The following DGKI variants were observed in gnomAD, a reference collection of about 807,000 sequenced individuals.
DGKI encodes DAG kinase iota.
DGKI carries 55 observed loss-of-function variants against 147.5 expected under a neutral mutation model. The observed-to-expected ratio is 0.37, with a 90% CI of 0.30 to 0.47. The LOEUF (loss-of-function observed/expected upper bound fraction) is 0.47, where lower values mean the gene tolerates loss of function less well. Among genes scored for constraint, DGKI ranks in the 20% least tolerant of loss-of-function variants. The probability of loss-of-function intolerance (pLI) is 1.00; values close to 1 mark genes in which losing one functional copy is unlikely to be tolerated. For missense variants in DGKI, 1,007 were observed against 1,323.8 expected (o/e 0.76, Z 3.71); for synonymous variants, 469 against 477.1 (o/e 0.98, Z 0.22).
chr7:137,675,693 A>T (rs1823011836), intron 3 of DGKI, among the ~76,000 whole-genome samples: 1 of 151,716 alleles, frequency 6.6e-6, no homozygotes, highest in South Asian at 2.1e-4. Context: ...CAAAAAAAAA[A>T]AAAAAAAAAA....
At position 137,781,145 on chromosome 7, in the gene DGKI, G is replaced by T. The variant is rs535668906; in HGVS notation, c.401+65317C>A. On this transcript the variant is annotated intron_variant, in intron 1 of 32. Coordinates refer to ENST00000614521, the MANE Select transcript of DGKI (RefSeq NM_001321708.2). ...CAAAGGGTATTTGAGTGTCTTCCAT[G>T]AACAAGGTGTGGGCTGTGCATCTGA... 9.4e-4 allele frequency among the ~76,000 whole-genome samples: 143 copies of T among 152,254 alleles called. 4 individuals carry two copies. The highest frequency in any genetic ancestry group is 2.5e-3 in the South Asian group (12 of 4,820).
chr7:137,436,970 G>A lies in DGKI; in HGVS notation c.2761+7107C>T, dbSNP rs180845757. ...TCTGTTGAATTTAACAAATTAGAGC[G>A]AAGGAAAAGATCCTTATAAGAAATA... On this transcript the variant is annotated intron_variant, in intron 28 of 32. Transcript: ENST00000614521. Among the ~76,000 whole-genome samples the A allele has an allele frequency of 4.9e-4, 74 of 152,240 alleles. 1 individual carries two copies. Among genetic ancestry groups the A allele is most frequent in the African/African-American group, 1.6e-3 (66 of 41,540 alleles).
chr7:137,660,990 T>G (rs1822406355), intron 3 of DGKI, among the ~76,000 whole-genome samples: 1 of 152,046 alleles, frequency 6.6e-6, no homozygotes, highest in South Asian at 2.1e-4. Context: ...TAAGTAAAAT[T>G]AAATATCTGT....
chr7:137,557,144 G>C (rs1316862162), intron 19 of DGKI, among the ~76,000 whole-genome samples: 1 of 152,104 alleles, frequency 6.6e-6, no homozygotes, highest in African/African-American at 2.4e-5. Flanking sequence ...CAATTCACGT[G>C]AGAATAAAAT....
chr7:137,689,829 T>C (rs56076414), intron 2 of DGKI, 65 bp downstream of exon 2: 43,300 of 1,141,770 alleles, frequency 0.038, 4,632 homozygotes, highest in African/African-American at 0.37. Context: ...ACTAGAGGAA[T>C]CCTGAGAATG....
At chr7:137,497,527 C>G (rs1204777994) in intron 21 of DGKI, among the ~76,000 whole-genome samples, 1 of 151,946 alleles carries the variant, frequency 6.6e-6, no homozygotes, top group East Asian at 1.9e-4. Flanking sequence ...ATAGCAAAGA[C>G]ATGGAATCAA....
chr7:137,410,019 G>C lies in DGKI; in HGVS notation c.2800-2024C>G, dbSNP rs942999334. On this transcript the variant is annotated intron_variant, in intron 29 of 32. Transcript: ENST00000614521. The stretch of plus-strand genomic sequence containing the variant: ...CAAAAGATATTGGAGAAGAGGAAGA[G>C]GGCATGAATATTTGAGAAGGAAAAT... Among the ~76,000 whole-genome samples, 44 of 152,168 alleles carry C rather than the reference G, an allele frequency of 2.9e-4. 1 individual carries two copies. The highest frequency in any genetic ancestry group is 1.3e-4 in the Non-Finnish European group (9 of 68,032).
Position 137,391,153 on chromosome 7 carries a change from G to T in DGKI, c.*67C>A. ...AATTCCATCAGCTTCTTCCAGGGGA[G>T]CTGCCCAATTGCAGGGAGGGCAGAT... On this transcript the variant is annotated 3_prime_UTR_variant, in exon 33 of 33. Coordinates refer to ENST00000614521, the MANE Select transcript of DGKI (RefSeq NM_001321708.2). 8.6e-7 allele frequency: 1 copy of T among 1,161,298 alleles called. No homozygotes were observed. The highest frequency in any genetic ancestry group is 1.3e-6 in the Non-Finnish European group (1 of 768,744). The allele number at this position is 1,161,298 out of a possible 1,614,324, so 71.9% of individuals were successfully genotyped here.
At chr7:137,663,559 G>T (rs1051295262) in intron 3 of DGKI, among the ~76,000 whole-genome samples, 1 of 152,310 alleles carries the variant, frequency 6.6e-6, no homozygotes, top group Non-Finnish European at 1.5e-5. Flanking sequence ...GGGCTCCTGG[G>T]TGTCTATGTA....
intron 21 of DGKI, among the ~76,000 whole-genome samples, chr7:137,509,233 T>C (rs1816492608): frequency 6.6e-6 from 1 of 152,168 alleles, no homozygotes; most frequent in South Asian, 2.1e-4. Flanking sequence ...TCTCCCACCT[T>C]TTTCTTGGAC....
At chr7:137,710,085 T>C (rs561663655) in intron 1 of DGKI, among the ~76,000 whole-genome samples, 19 of 151,916 alleles carry the variant, frequency 1.3e-4, no homozygotes, top group African/African-American at 4.1e-4. Flanking sequence ...ACAGAGAGAA[T>C]TGAAGAGAGA....
intron 1 of DGKI, among the ~76,000 whole-genome samples, chr7:137,782,564 C>A (rs1183418361): frequency 6.6e-6 from 1 of 152,134 alleles, no homozygotes; most frequent in Non-Finnish European, 1.5e-5. Context: ...TCTATGGCCC[C>A]GTCCACCACC....
intron 6 of DGKI, among the ~76,000 whole-genome samples, chr7:137,628,624 T>C (rs1821023738): frequency 6.6e-6 from 1 of 152,310 alleles, no homozygotes; most frequent in African/African-American, 2.4e-5. Flanking sequence ...TTTTAAGAGC[T>C]GTTTAGTTCA....
chr7:137,765,780 C>T (rs562219862), intron 1 of DGKI, among the ~76,000 whole-genome samples: 9 of 152,306 alleles, frequency 5.9e-5, no homozygotes, highest in African/African-American at 1.2e-4. Flanking sequence ...AGGCAGCATA[C>T]GATACGGAGG....
intron 21 of DGKI, among the ~76,000 whole-genome samples, chr7:137,513,560 A>G (rs1816649297): frequency 6.6e-6 from 1 of 152,200 alleles, no homozygotes; most frequent in South Asian, 2.1e-4. Flanking sequence ...ATTTAATGAA[A>G]GGGATGTGTT....
intron 1 of DGKI, among the ~76,000 whole-genome samples, chr7:137,746,492 T>G (rs967073212): frequency 2.0e-5 from 3 of 152,144 alleles, no homozygotes; most frequent in Admixed American, 6.5e-5. Context: ...CTGTGAAATC[T>G]CTTCTGGAGG....
At chr7:137,693,334 G>T (rs1190451655) in intron 1 of DGKI, among the ~76,000 whole-genome samples, 2 of 152,092 alleles carry the variant, frequency 1.3e-5, no homozygotes, top group Admixed American at 6.6e-5. Flanking sequence ...AAATGCCAAT[G>T]ATTCTTTCTA....
intron 1 of DGKI, among the ~76,000 whole-genome samples, chr7:137,822,565 T>C (rs1797936849): frequency 1.3e-5 from 2 of 152,128 alleles, no homozygotes; most frequent in African/African-American, 2.4e-5. Flanking sequence ...CGGTGAAGCA[T>C]AAGTCACAGA....
At chr7:137,448,780 A>G (rs1813833495) in intron 27 of DGKI, among the ~76,000 whole-genome samples, 6 of 151,994 alleles carry the variant, frequency 3.9e-5, no homozygotes, top group South Asian at 2.1e-4. Flanking sequence ...GCATTTGTGA[A>G]ATGTAAACTT....
Sources: gnomAD v4.1 joint callset for allele counts (sites outside exome capture counted in the v4.1 genomes callset) on GRCh38, gnomAD v4.1.1 for gene constraint, MANE v1.5 for transcripts, NCBI Gene and HGNC (gene_info 2026-07-23, HGNC 2026-07-21) for gene names.